NOL4: variants seen among roughly 807,000 people sequenced by gnomAD.
The protein encoded by NOL4 is cancer/testis antigen 125.
In NOL4, 17 loss-of-function variants were observed where a neutral mutation model predicts 75.9. The ratio of observed to expected loss-of-function variants is 0.22; its 90% CI spans 0.15 to 0.34. The LOEUF (loss-of-function observed/expected upper bound fraction) is 0.34. Ranked by LOEUF, NOL4 falls within the 10% of genes least tolerant of loss-of-function variation. The pLI is 1.00. For synonymous variants in NOL4, 292 were observed against 289.9 expected (o/e 1.01, Z -0.07); for missense variants, 614 against 793.5 (o/e 0.77, Z 2.72).
chr18:33,986,917 C>G (rs2146055114), intron 6 of NOL4, among the ~76,000 whole-genome samples: 1 of 152,132 alleles, frequency 6.6e-6, no homozygotes, highest in African/African-American at 2.4e-5. Flanking sequence ...TATTGCGATA[C>G]TAATCAGTAG....
chr18:33,909,847 T>A (rs577012238), intron 9 of NOL4, among the ~76,000 whole-genome samples: 267 of 150,890 alleles, frequency 1.8e-3, no homozygotes, highest in African/African-American at 6.5e-3. Context: ...AAAAAAAAAT[T>A]ATTTCATGCA....
intron 5 of NOL4, among the ~76,000 whole-genome samples, chr18:34,069,673 ACACAAACC>A (rs2077427220): frequency 6.6e-6 from 1 of 152,230 alleles, no homozygotes; most frequent in Non-Finnish European, 1.5e-5. Context: ...GAGACTAAAT[ACACAAACC>A]CACAATCGCA....
At chr18:33,987,551 C>T (rs1256039154) in intron 6 of NOL4, among the ~76,000 whole-genome samples, 1 of 152,136 alleles carries the variant, frequency 6.6e-6, no homozygotes, top group Non-Finnish European at 1.5e-5. Context: ...TGATCCTTTG[C>T]AGCACACAAT....
At chr18:33,933,799 G>A (rs1402978167) in intron 9 of NOL4, among the ~76,000 whole-genome samples, 2 of 152,048 alleles carry the variant, frequency 1.3e-5, no homozygotes, top group Admixed American at 6.6e-5. Context: ...AGTCACCCAC[G>A]AGGGTCGGAA....
At chr18:33,994,826 CAAT>C (rs2073160146) in intron 6 of NOL4, among the ~76,000 whole-genome samples, 1 of 151,232 alleles carries the variant, frequency 6.6e-6, no homozygotes, top group African/African-American at 2.4e-5. Flanking sequence ...AATAGAGAAA[CAAT>C]AGGCAAAAAC....
chr18:33,934,883 G>C (rs1022260672), intron 9 of NOL4, among the ~76,000 whole-genome samples: 1 of 39,546 alleles, frequency 2.5e-5, no homozygotes, highest in Non-Finnish European at 5.1e-5. Flanking sequence ...TTTTTTTTTT[G>C]ATACAGGGTC....
intron 1 of NOL4, among the ~76,000 whole-genome samples, chr18:34,172,917 T>C (rs534659141): frequency 3.9e-5 from 6 of 152,104 alleles, no homozygotes; most frequent in Non-Finnish European, 7.4e-5. Context: ...CCTTGTAAGG[T>C]ATATGATATG....
chr18:34,123,809 A>G (rs1221760329), intron 2 of NOL4, among the ~76,000 whole-genome samples: 2 of 151,214 alleles, frequency 1.3e-5, no homozygotes, highest in Admixed American at 1.3e-4. Flanking sequence ...ATATTTATAT[A>G]GAGAGACATA....
intron 1 of NOL4, among the ~76,000 whole-genome samples, chr18:34,218,334 C>T (rs1334948924): frequency 1.3e-5 from 2 of 152,132 alleles, no homozygotes; most frequent in Admixed American, 1.3e-4. Flanking sequence ...TATACGAGTG[C>T]CAAATCTTGC....
chr18:34,006,533 T>A (rs1319395878), intron 6 of NOL4, among the ~76,000 whole-genome samples: 5 of 152,084 alleles, frequency 3.3e-5, no homozygotes, highest in African/African-American at 1.2e-4. Context: ...CTGATTCAAC[T>A]GGACTGCTTC....
chr18:33,908,757 T>G (rs976828369), intron 9 of NOL4, among the ~76,000 whole-genome samples: 1 of 152,162 alleles, frequency 6.6e-6, no homozygotes, highest in South Asian at 2.1e-4. Flanking sequence ...GGAACACGCA[T>G]AGATAACATG....
At chr18:33,875,596 C>T (rs899312840) in intron 10 of NOL4, among the ~76,000 whole-genome samples, 1 of 151,984 alleles carries the variant, frequency 6.6e-6, no homozygotes, top group African/African-American at 2.4e-5. Flanking sequence ...CTGGAGCCTT[C>T]CTCTTTCACC....
intron 1 of NOL4, among the ~76,000 whole-genome samples, chr18:34,218,772 G>A (rs934968659): frequency 2.0e-5 from 3 of 152,148 alleles, no homozygotes; most frequent in Non-Finnish European, 4.4e-5. Context: ...CCATCTCAGT[G>A]ACCACTATGA....
intron 9 of NOL4, among the ~76,000 whole-genome samples, chr18:33,901,880 G>T: frequency 6.6e-6 from 1 of 152,024 alleles, no homozygotes; most frequent in East Asian, 1.9e-4. Context: ...CTGAAATAAG[G>T]TAGAAAGGAA....
chr18:33,990,311 T>C (rs2072821121), intron 6 of NOL4, among the ~76,000 whole-genome samples: 1 of 152,186 alleles, frequency 6.6e-6, no homozygotes, highest in African/African-American at 2.4e-5. Context: ...TGAAACATCC[T>C]ATTATGCTGT....
chr18:33,995,344 A>G (rs1032153841), intron 6 of NOL4, among the ~76,000 whole-genome samples: 1 of 151,688 alleles, frequency 6.6e-6, no homozygotes, highest in African/African-American at 2.4e-5. Context: ...ATAAATATGG[A>G]TACAAACATC....
chr18:33,866,737 T>A (rs993691115), intron 10 of NOL4, among the ~76,000 whole-genome samples: 5 of 152,130 alleles, frequency 3.3e-5, no homozygotes, highest in African/African-American at 4.8e-5. Context: ...TTCCAGGCAA[T>A]TTTTGGCTTC....
intron 5 of NOL4, among the ~76,000 whole-genome samples, chr18:34,046,003 T>A (rs1051081353): frequency 6.6e-6 from 1 of 152,130 alleles, no homozygotes. Context: ...TATGCAAATA[T>A]ATATTAATGT....
intron 4 of NOL4, among the ~76,000 whole-genome samples, chr18:34,094,587 T>C (rs1252436925): frequency 1.3e-5 from 2 of 152,246 alleles, no homozygotes; most frequent in Admixed American, 1.3e-4. Context: ...TTTGGAGAAC[T>C]GATTTTTGGA....
Sources: allele counts gnomAD v4.1 joint callset (sites outside exome capture counted in the v4.1 genomes callset), GRCh38; gene constraint gnomAD v4.1.1; transcripts MANE v1.5; gene names NCBI Gene and HGNC (gene_info 2026-07-23, HGNC 2026-07-21).